SDK1: variants seen among roughly 807,000 people sequenced by gnomAD.
SDK1 encodes the protein protein sidekick-1.
Under a neutral mutation model 245.5 loss-of-function variants are expected in SDK1, and 157 were observed. That is an observed-to-expected ratio of 0.64 (90% CI 0.56 to 0.73). SDK1 has a LOEUF of 0.73. Among genes scored for constraint, SDK1 ranks in the 30% least tolerant of loss-of-function variants. The probability of loss-of-function intolerance (pLI) is 0.00; values close to 1 mark genes in which losing one functional copy is unlikely to be tolerated. For synonymous variants in SDK1, 1,647 were observed against 1,278.5 expected (o/e 1.29, Z -6.15); for missense variants, 3,583 against 3,002.3 (o/e 1.19, Z -4.52).
intron 1 of SDK1, among the ~76,000 whole-genome samples, chr7:3,351,983 C>G (rs938448209): frequency 1.3e-5 from 2 of 151,826 alleles, no homozygotes; most frequent in Non-Finnish European, 2.9e-5. Flanking sequence ...GAATATAAAG[C>G]AAGTATTGAT....
At chr7:4,074,840 G>C (rs1004778310) in intron 20 of SDK1, among the ~76,000 whole-genome samples, 1 of 117,560 alleles carries the variant, frequency 8.5e-6, no homozygotes, top group Non-Finnish European at 1.8e-5. Flanking sequence ...TCCAGCCTGG[G>C]CAACAGAGCA....
At chr7:3,907,114 TC>T (rs1277581609) in intron 5 of SDK1, among the ~76,000 whole-genome samples, 6 of 136,738 alleles carry the variant, frequency 4.4e-5, no homozygotes, top group Admixed American at 7.2e-5. Context: ...ATATATTCTC[TC>T]TTTTTTTATT....
intron 5 of SDK1, among the ~76,000 whole-genome samples, chr7:3,892,315 C>T (rs955203900): frequency 6.6e-6 from 1 of 152,230 alleles, no homozygotes; most frequent in Non-Finnish European, 1.5e-5. Context: ...CTCTGCCGAG[C>T]TTGGCTGTGT....
At chr7:3,826,693 A>G (rs932094785) in intron 5 of SDK1, among the ~76,000 whole-genome samples, 8 of 152,238 alleles carry the variant, frequency 5.3e-5, no homozygotes, top group African/African-American at 1.9e-4. Context: ...TCTGACAATG[A>G]GAATTTTCAG....
chr7:3,578,850 C>G (rs1379916777), intron 1 of SDK1, among the ~76,000 whole-genome samples: 2 of 151,704 alleles, frequency 1.3e-5, no homozygotes, highest in African/African-American at 2.4e-5. Context: ...TCATATTGTT[C>G]AAACACACAT....
chr7:3,404,388 C>T (rs1237736039), intron 1 of SDK1, among the ~76,000 whole-genome samples: 1 of 152,058 alleles, frequency 6.6e-6, no homozygotes, highest in African/African-American at 2.4e-5. Context: ...TAATAATTTA[C>T]CTCTTTTTTG....
intron 25 of SDK1, among the ~76,000 whole-genome samples, chr7:4,116,970 T>G (rs1783756689): frequency 6.6e-6 from 1 of 152,206 alleles, no homozygotes; most frequent in African/African-American, 2.4e-5. Context: ...CGCACCCACA[T>G]GCAGCCTGGG....
At chr7:3,809,163 G>C (rs186220100) in intron 4 of SDK1, among the ~76,000 whole-genome samples, 9 of 152,242 alleles carry the variant, frequency 5.9e-5, no homozygotes, top group Admixed American at 1.3e-4. Context: ...GAAGGCAAAG[G>C]GGGAGGAGGC....
intron 1 of SDK1, among the ~76,000 whole-genome samples, chr7:3,502,706 G>A (rs1487405599): frequency 6.6e-6 from 1 of 152,112 alleles, no homozygotes; most frequent in Non-Finnish European, 1.5e-5. Flanking sequence ...AATTTTATGT[G>A]TTATTGGGGT....
chr7:4,191,326 C>T (rs1048549098), intron 35 of SDK1, among the ~76,000 whole-genome samples: 4 of 152,222 alleles, frequency 2.6e-5, no homozygotes, highest in South Asian at 2.1e-4. Flanking sequence ...ACGCACAGCC[C>T]GGCAGATGCC....
intron 35 of SDK1, among the ~76,000 whole-genome samples, chr7:4,197,316 AAAAG>A (rs574598809): frequency 1.3e-5 from 2 of 150,058 alleles, no homozygotes; most frequent in East Asian, 3.9e-4. Flanking sequence ...AAAGAAAAAG[AAAAG>A]AAAGAAAGAA....
At chr7:3,486,649 T>C (rs1247715228) in intron 1 of SDK1, among the ~76,000 whole-genome samples, 4 of 152,148 alleles carry the variant, frequency 2.6e-5, no homozygotes, top group African/African-American at 9.7e-5. Context: ...AGTTTTTTTT[T>C]CTTCATCCCA....
intron 1 of SDK1, among the ~76,000 whole-genome samples, chr7:3,537,605 T>A (rs1364858288): frequency 6.6e-6 from 1 of 152,132 alleles, no homozygotes; most frequent in Non-Finnish European, 1.5e-5. Flanking sequence ...AATAATCCAG[T>A]TTTTCTTCAG....
chr7:4,052,521 C>T (rs1264685051), intron 19 of SDK1, among the ~76,000 whole-genome samples: 2 of 151,958 alleles, frequency 1.3e-5, no homozygotes, highest in Non-Finnish European at 2.9e-5. Flanking sequence ...GTTGAAAAAA[C>T]GAAACTCTGA....
intron 1 of SDK1, among the ~76,000 whole-genome samples, chr7:3,441,081 A>ACC (rs1780180805): frequency 6.6e-6 from 1 of 152,212 alleles, no homozygotes; most frequent in African/African-American, 2.4e-5. Flanking sequence ...TAGGCATTGT[A>ACC]CCATGTCACA....
chr7:3,324,143 G>C (rs879355233), intron 1 of SDK1, among the ~76,000 whole-genome samples: 1 of 152,060 alleles, frequency 6.6e-6, no homozygotes, highest in African/African-American at 2.4e-5. Context: ...CATTGCTGTC[G>C]TAGGGTCAGA....
At chr7:3,757,133 A>AT (rs1425308080) in intron 4 of SDK1, among the ~76,000 whole-genome samples, 1 of 152,138 alleles carries the variant, frequency 6.6e-6, no homozygotes, top group African/African-American at 2.4e-5. Flanking sequence ...GACCCCACAC[A>AT]TTGAGGGCTC....
intron 1 of SDK1, among the ~76,000 whole-genome samples, chr7:3,312,615 G>C (rs1042323522): frequency 6.6e-6 from 1 of 151,742 alleles, no homozygotes; most frequent in African/African-American, 2.4e-5. Context: ...TAAAGAGCCA[G>C]GTAGATATAA....
intron 4 of SDK1, among the ~76,000 whole-genome samples, chr7:3,756,388 G>A (rs866271191): frequency 6.6e-6 from 1 of 151,546 alleles, no homozygotes; most frequent in Middle Eastern, 3.4e-3. Context: ...CATAGCACAT[G>A]TGACACATGC....
Sources: allele counts gnomAD v4.1 joint callset (sites outside exome capture counted in the v4.1 genomes callset), GRCh38; gene constraint gnomAD v4.1.1; transcripts MANE v1.5; gene names NCBI Gene and HGNC (gene_info 2026-07-23, HGNC 2026-07-21).